SNX31: variants seen among roughly 807,000 people sequenced by gnomAD.
SNX31 encodes the protein sorting nexin 31, also known as sorting nexin-31.
In SNX31, 58 loss-of-function variants were observed where a neutral mutation model predicts 65.4. The ratio of observed to expected loss-of-function variants is 0.89; its 90% confidence interval spans 0.72 to 1.10. The LOEUF is 1.10. Among genes scored for constraint, SNX31 ranks in the 50% least tolerant of loss-of-function variants. The pLI is 0.00. For synonymous variants in SNX31, 181 were observed against 190.1 expected (o/e 0.95, Z 0.39); for missense variants, 523 against 529.7 (o/e 0.99, Z 0.12).
intron 2 of SNX31, among the ~76,000 whole-genome samples, chr8:100,646,824 C>T (rs1014257087): frequency 5.9e-5 from 9 of 152,112 alleles, no homozygotes; most frequent in African/African-American, 9.7e-5. Context: ...AGGACTCAGT[C>T]ATTTGACTCA....
In SNX31 at chr8:100,614,930, G is replaced by T. The variant is rs1209550856; in HGVS notation, c.433-1845C>A. 1.3e-5 allele frequency among the ~76,000 whole-genome samples: 2 copies of T among 152,296 alleles called. No homozygotes were observed. The highest frequency in any genetic ancestry group is 6.5e-5 in the Admixed American group (1 of 15,294). On this transcript the variant is annotated intron_variant, in intron 5 of 13. Transcript: ENST00000311812. The surrounding 1 kb of genome is among the most constrained non-coding windows in gnomAD (Gnocchi z 5.1). ...TTGAAAAGTAAAAGGCAGGCTGTGG[G>T]TGAGGCAAACCTGGGGAAGCAAAGT...
chr8:100,581,648 A>G lies in SNX31; in HGVS notation c.1170+2463T>C, dbSNP rs116407772. 3.0e-3 allele frequency among the ~76,000 whole-genome samples: 459 copies of G among 152,198 alleles called. 2 individuals are homozygous for G. Among genetic ancestry groups the G allele is most frequent in the African/African-American group, 0.011 (437 of 41,500 alleles). On this transcript the variant is annotated intron_variant, in intron 12 of 13. Transcript: ENST00000311812. ...TCTCCCCTGCTTCAGATTCTTTAAG[A>G]TGATCAAAATCTTGGACTCGGAACC...
intron 1 of SNX31, among the ~76,000 whole-genome samples, chr8:100,659,854 A>G (rs1422705396): frequency 1.3e-5 from 2 of 152,000 alleles, no homozygotes; most frequent in East Asian, 1.9e-4. Context: ...CAAGACATAC[A>G]GTTTTAGAGC....
At chr8:100,606,325 G>A (rs575015835) in intron 8 of SNX31, among the ~76,000 whole-genome samples, 9 of 152,250 alleles carry the variant, frequency 5.9e-5, no homozygotes, top group East Asian at 1.9e-4. Flanking sequence ...GTGTGTCCCC[G>A]TTTCCAGGCT....
chr8:100,643,408 G>T (rs1587078220), intron 2 of SNX31, among the ~76,000 whole-genome samples: 1 of 151,966 alleles, frequency 6.6e-6, no homozygotes, highest in African/African-American at 2.4e-5. Flanking sequence ...GACACAAAAG[G>T]TGTCTGTTTC....
At chr8:100,617,847 C>T (rs548609830) in intron 4 of SNX31, 117 bp from the exon 5 acceptor site, 5 of 794,014 alleles carry the variant, frequency 6.3e-6, no homozygotes, top group Non-Finnish European at 9.7e-6. Context: ...TCACTGCAAC[C>T]TCTGCCTCCT....
chr8:100,617,027 C>T (rs1441448423), intron 5 of SNX31, among the ~76,000 whole-genome samples: 1 of 152,106 alleles, frequency 6.6e-6, no homozygotes, highest in Admixed American at 6.6e-5. Context: ...TCTGCAGCCC[C>T]ACTCAGCAGA....
chr8:100,592,606 T>C (rs1402043508), intron 10 of SNX31, among the ~76,000 whole-genome samples: 1 of 152,200 alleles, frequency 6.6e-6, no homozygotes, highest in Non-Finnish European at 1.5e-5. Context: ...TTTGATCCAA[T>C]GATAATTCTA....
chr8:100,600,221 C>T, intron 9 of SNX31, 128 bp downstream of exon 9: 1 of 706,842 alleles, frequency 1.4e-6, no homozygotes, highest in Non-Finnish European at 2.4e-6. Flanking sequence ...TGAAGATATT[C>T]TTATTTTTTT....
intron 3 of SNX31, among the ~76,000 whole-genome samples, chr8:100,633,964 C>G (rs1007996790): frequency 1.3e-5 from 2 of 152,072 alleles, no homozygotes; most frequent in Non-Finnish European, 2.9e-5. Context: ...TCTATATACA[C>G]GCAAATTGCT....
chr8:100,584,022 C>T (rs2130815052), intron 12 of SNX31, 89 bp downstream of exon 12: 1 of 1,176,872 alleles, frequency 8.5e-7, no homozygotes, highest in East Asian at 2.7e-5. Flanking sequence ...CCTGCTGGCT[C>T]AGGGAGCTCA....
At chr8:100,639,722 G>A (rs1819023108) in intron 2 of SNX31, among the ~76,000 whole-genome samples, 1 of 152,122 alleles carries the variant, frequency 6.6e-6, no homozygotes, top group Non-Finnish European at 1.5e-5. Flanking sequence ...GGACCTAGAT[G>A]CAACAACACT....
intron 2 of SNX31, among the ~76,000 whole-genome samples, chr8:100,641,571 T>A (rs1162358919): frequency 0.011 from 374 of 33,464 alleles, 3 homozygotes; most frequent in African/African-American, 0.033. Context: ...AAAAAATATA[T>A]ATATATATAT....
At chr8:100,590,205 T>C (rs1403985009) in intron 10 of SNX31, among the ~76,000 whole-genome samples, 2 of 152,220 alleles carry the variant, frequency 1.3e-5, no homozygotes, top group Non-Finnish European at 2.9e-5. Flanking sequence ...TCCTGCAGAT[T>C]ATATGCAGTA....
rs975720022 is a variant in SNX31, at chr8:100,588,804, C to T, written c.1092+62G>A. On this transcript the variant is annotated intron_variant, in intron 11 of 13. Coordinates refer to ENST00000311812, the MANE Select transcript of SNX31 (RefSeq NM_152628.4). The surrounding 1 kb of genome is among the most constrained non-coding windows in gnomAD (Gnocchi z 4.8). ...GGGTTAGGGTCATGTGCTTCATCCACCCCAGCAAGCAAGACAGCATTTCAG... is the reference window on the plus strand; with the variant it reads ...GGGTTAGGGTCATGTGCTTCATCCATCCCAGCAAGCAAGACAGCATTTCAG... 6 of 1,280,868 alleles carry T rather than the reference C, an allele frequency of 4.7e-6. No individual in the cohort carries two copies. The highest frequency in any genetic ancestry group is 6.8e-6 in the Non-Finnish European group (6 of 884,362). The allele number at this position is 1,280,868 out of a possible 1,614,324, so 79.3% of individuals were successfully genotyped here. A position where few individuals can be genotyped will look rare whatever the true frequency, so the allele number is the denominator to read the frequency against.
rs1816813520 is a variant in SNX31, at chr8:100,612,644, TGTG to T, written c.523+348_523+350del. ...ATTCCTTAACAAGGAGAAATGATGCTGTGGTGGGGCGTCCTGACCCCTGGAGTC... is the reference window on the plus strand; with the variant it reads ...ATTCCTTAACAAGGAGAAATGATGCTGTGGGGCGTCCTGACCCCTGGAGTC... On this transcript the variant is annotated intron_variant, in intron 6 of 13. Coordinates refer to ENST00000311812, the MANE Select transcript of SNX31 (RefSeq NM_152628.4). The surrounding 1 kb of genome is among the most constrained non-coding windows in gnomAD (Gnocchi z 4.3). Among the ~76,000 whole-genome samples, 2 of 152,188 alleles carry T rather than the reference TGTG, an allele frequency of 1.3e-5. No individual in the cohort carries two copies.
At chr8:100,603,788 A>C (rs1815882346) in intron 8 of SNX31, among the ~76,000 whole-genome samples, 1 of 150,684 alleles carries the variant, frequency 6.6e-6, no homozygotes, top group Admixed American at 6.6e-5. Flanking sequence ...CCCAGGCTGG[A>C]GTGCAGTGGT....
At chr8:100,577,986 T>C (rs2130770929) in intron 12 of SNX31, among the ~76,000 whole-genome samples, 1 of 152,360 alleles carries the variant, frequency 6.6e-6, no homozygotes, top group South Asian at 2.1e-4. Context: ...CCCCATGTAA[T>C]ATAGCTAATG....
rs570208228 is a variant in SNX31, at chr8:100,614,892, A to G, written c.433-1807T>C. Among the ~76,000 whole-genome samples, 2 of 152,038 alleles carry G rather than the reference A, an allele frequency of 1.3e-5. No homozygotes were observed. Among genetic ancestry groups the G allele is most frequent in the African/African-American group, 2.4e-5 (1 of 41,556 alleles). On this transcript the variant is annotated intron_variant, in intron 5 of 13. Coordinates refer to ENST00000311812, the MANE Select transcript of SNX31 (RefSeq NM_152628.4). This position sits in a 1 kb window ranked among gnomAD's most constrained non-coding sequence, Gnocchi z 5.1. ...GAAACTCCATTTCAAAACAACAACC[A>G]AAAAAGAGACCATTGAAAAGTAAAA...
Sources: gnomAD v4.1 joint callset for allele counts (sites outside exome capture counted in the v4.1 genomes callset) on GRCh38, gnomAD v4.1.1 for gene constraint, Gnocchi (gnomAD v3.1) non-coding constraint, MANE v1.5 for transcripts, NCBI Gene and HGNC (gene_info 2026-07-23, HGNC 2026-07-21) for gene names.